Variants in TRIM10 observed in about 807,000 individuals in gnomAD.
TRIM10 encodes the protein tripartite motif containing 10, also known as tripartite motif-containing protein 10.
In TRIM10, 42 loss-of-function variants were observed where a neutral mutation model predicts 40.0. That is an observed-to-expected ratio of 1.05 (90% CI 0.82 to 1.36). The LOEUF (loss-of-function observed/expected upper bound fraction) is 1.36, where lower values mean the gene tolerates loss of function less well. Ranked by LOEUF, TRIM10 falls within the 40% of genes most tolerant of loss-of-function variation. TRIM10 has a pLI of 0.00. For synonymous variants in TRIM10, 260 were observed against 239.5 expected (o/e 1.09, Z -0.79); for missense variants, 601 against 608.3 (o/e 0.99, Z 0.13).
At position 30,153,350 on chromosome 6, in the gene TRIM10, C is replaced by T. The variant is rs1488843011; in HGVS notation, c.*619G>A. 3 of 271,726 alleles carry T rather than the reference C, an allele frequency of 1.1e-5. No individual in the cohort carries two copies. Among genetic ancestry groups the T allele is most frequent in the Non-Finnish European group, 1.4e-5 (2 of 142,802 alleles). 16.8% of individuals were successfully genotyped at this position (271,726 alleles called of 1,614,324 possible). ...CCTTCCAGGCTGGGCTATGCCCCTT[C>T]CCCTGAACTCCCATAATGCTGGGGT... is the stretch of plus-strand genomic sequence containing the variant. On this transcript the variant is annotated 3_prime_UTR_variant, in exon 7 of 7. Transcript: ENST00000449742.
At chr6:30,154,645 G>C in intron 6 of TRIM10, 159 bp from the exon 7 acceptor site, 1 of 869,418 alleles carries the variant, frequency 1.2e-6, no homozygotes, top group Non-Finnish European at 1.9e-6. Flanking sequence ...CTGGGAACTT[G>C]TTAGATATAC....
upstream of TRIM10, among the ~76,000 whole-genome samples, chr6:30,161,764 G>A (rs140273782): frequency 1.3e-5 from 2 of 152,270 alleles, no homozygotes; most frequent in African/African-American, 4.8e-5. Flanking sequence ...TCTGTCTTCC[G>A]AGCAATGCTA....
In TRIM10 at chr6:30,160,582, A is replaced by G; in HGVS notation, c.277T>C (p.Leu93=). The G allele has an allele frequency of 6.2e-7, 1 of 1,614,134 alleles. No individual in the cohort carries two copies. Among genetic ancestry groups the G allele is most frequent in the Non-Finnish European group, 8.5e-7 (1 of 1,180,022 alleles). ...TCTTGGCAGACATCCTCCTCTCCCA[A>G]ACCCAGTGTGGACACCAGCTGGAGG... ...ERLQLVSTLG[L]GEEDVCQEHG... Residue 93 remains leucine, a synonymous_variant, in exon 1 of 7, where the codon TTG becomes CTG. Coordinates refer to ENST00000449742, the MANE Select transcript of TRIM10 (RefSeq NM_006778.4).
chr6:30,154,607 C>G lies in TRIM10; in HGVS notation c.929-121G>C, dbSNP rs1324519667. On this transcript the variant is annotated intron_variant, in intron 6 of 6. Coordinates refer to ENST00000449742, the MANE Select transcript of TRIM10 (RefSeq NM_006778.4). The stretch of plus-strand genomic sequence containing the variant: ...ATTATTACCAAAAACATGTATAGTG[C>G]CTACGTGGGCCAACAGTGTGGAACC... 3 of 1,265,014 alleles carry G rather than the reference C, an allele frequency of 2.4e-6. No individual in the cohort carries two copies. The African/African-American group carries it at 4.4e-5, about 19-fold the overall frequency. The allele number at this position is 1,265,014 out of a possible 1,614,324, so 78.4% of individuals were successfully genotyped here. A position where few individuals can be genotyped will look rare whatever the true frequency, so the allele number is the denominator to read the frequency against.
chr6:30,159,231 CT>C lies in TRIM10; in HGVS notation c.443del (p.Lys148SerfsTer6). 3 of 1,607,944 alleles carry C rather than the reference CT, an allele frequency of 1.9e-6. No homozygotes were observed. Among genetic ancestry groups the C allele is most frequent in the Non-Finnish European group, 2.6e-6 (3 of 1,175,466 alleles). Reference sequence around the variant, plus strand: ...TCTCTTTTCTTAGACATTTAAGACACTTATGGATTTGTTCCTGGGGAGAAGG... The same window carrying C: ...TCTCTTTTCTTAGACATTTAAGACACTATGGATTTGTTCCTGGGGAGAAGG... The part of the protein sequence containing the change: ...AAAPYREQIH[K>X]CLKCLRKERE... On this transcript the variant is annotated frameshift_variant, in exon 2 of 7. Coordinates refer to ENST00000449742, the MANE Select transcript of TRIM10 (RefSeq NM_006778.4). LOFTEE classifies it high-confidence loss of function.
Position 30,154,262 on chromosome 6 carries a change from TCA to T in TRIM10, c.1151_1152del (p.Val384GlufsTer52). The T allele has an allele frequency of 6.2e-7, 1 of 1,613,042 alleles. No individual in the cohort carries two copies. ...TCCCCCTTCCGCTGCACATCCTCGC[TCA>T]CCACGCCCACGGTGCAGCTGCCCCC... ...AHGGSCTVGV[V>X]SEDVQRKGEL... On this transcript the variant is annotated frameshift_variant, in exon 7 of 7. Transcript: ENST00000449742. LOFTEE classifies it high-confidence loss of function.
chr6:30,163,528 G>A, upstream of TRIM10: 1 of 882,424 alleles, frequency 1.1e-6, no homozygotes. Flanking sequence ...GCTTCCCTGT[G>A]CTGGCATTCT....
upstream of TRIM10, chr6:30,163,987 C>G (rs781300732): frequency 6.2e-7 from 1 of 1,613,146 alleles, no homozygotes; most frequent in South Asian, 1.1e-5. Flanking sequence ...CCGAGTTCCT[C>G]TGTGTGTTCT....
rs1772178367 is a variant in TRIM10 at position 30,153,244 on chromosome 6, G to A, written c.*725C>T. On this transcript the variant is annotated 3_prime_UTR_variant, in exon 7 of 7. Coordinates refer to ENST00000449742, the MANE Select transcript of TRIM10 (RefSeq NM_006778.4). ...CTCTGCTGTTTCCTCTTCTTAAGAT[G>A]CTTCTTCCCCTCTTTTCCCTATTGA... 1 of 163,158 alleles carries A rather than the reference G, an allele frequency of 6.1e-6. No individual in the cohort carries two copies. The highest frequency in any genetic ancestry group is 1.7e-4 in the South Asian group (1 of 5,726). The allele number at this position is 163,158 out of a possible 1,614,324, so 10.1% of individuals were successfully genotyped here. A position where few individuals can be genotyped will look rare whatever the true frequency, so the allele number is the denominator to read the frequency against.
upstream of TRIM10, chr6:30,163,415 C>T (rs992966462): frequency 1.8e-6 from 1 of 552,148 alleles, no homozygotes; most frequent in African/African-American, 1.9e-5. Context: ...ACTTGGCCGC[C>T]ACTGGGAAAT....
At chr6:30,162,149 G>A (rs573019237), upstream of TRIM10, among the ~76,000 whole-genome samples, 1 of 152,018 alleles carries the variant, frequency 6.6e-6, no homozygotes, top group Non-Finnish European at 1.5e-5. Context: ...GCTGGCCGGC[G>A]CCTGTAGTCC....
At position 30,158,499 on chromosome 6, in the gene TRIM10, T is replaced by C. The variant is rs568128993; in HGVS notation, c.656A>G (p.Asp219Gly). The C allele has an allele frequency of 1.7e-5, 28 of 1,613,070 alleles. No homozygotes were observed. The South Asian group carries it at 2.1e-4, about 12-fold the overall frequency. The change falls in exon 3 of 7, where the codon GAT (aspartate) becomes GGT (glycine). Residue 219 changes from aspartate to glycine, a missense_variant. Coordinates refer to ENST00000449742, the MANE Select transcript of TRIM10 (RefSeq NM_006778.4). ...SQDGDILRQR[D>G]EFDLLVAGEI... ...CCCAGCAACCAGCAAATCAAATTCA[T>C]CCCGTTGCCTCAAGATGTCCCCATC...
chr6:30,157,726 C>T (rs1772695171), intron 3 of TRIM10, among the ~76,000 whole-genome samples: 1 of 97,976 alleles, frequency 1.0e-5, no homozygotes, highest in South Asian at 3.2e-4. Flanking sequence ...TCCCACTTTT[C>T]TTATGACTGG....
At position 30,160,592 on chromosome 6, in the gene TRIM10, G is replaced by A. The variant is rs147578020; in HGVS notation, c.267C>T (p.Ser89=). Residue 89 remains serine, a synonymous_variant, in exon 1 of 7, where the codon TCC becomes TCT. Coordinates refer to ENST00000449742, the MANE Select transcript of TRIM10 (RefSeq NM_006778.4). Reference sequence around the variant, plus strand: ...CATCCTCCTCTCCCAAACCCAGTGTGGACACCAGCTGGAGGCGCTCAATGT... The same window carrying A: ...CATCCTCCTCTCCCAAACCCAGTGTAGACACCAGCTGGAGGCGCTCAATGT... ...VENIERLQLV[S]TLGLGEEDVC... 1.3e-4 allele frequency: 214 copies of A among 1,614,104 alleles called. No homozygotes were observed. The highest frequency in any genetic ancestry group is 1.8e-4 in the Non-Finnish European group (210 of 1,180,052).
rs994448457 is a variant in TRIM10, at chr6:30,153,003, C to A, written c.*966G>T. 1 of 152,244 alleles carries A rather than the reference C, an allele frequency of 6.6e-6. No individual in the cohort carries two copies. The highest frequency in any genetic ancestry group is 1.5e-5 in the Non-Finnish European group (1 of 68,070). The allele number at this position is 152,244 out of a possible 1,614,324, so 9.4% of individuals were successfully genotyped here. On this transcript the variant is annotated 3_prime_UTR_variant, in exon 7 of 7. Coordinates refer to ENST00000449742, the MANE Select transcript of TRIM10 (RefSeq NM_006778.4). ...GATGGTAATCAACTGATCAGGAAGA[C>A]AATTTCCCTAGGGTTGAGTGTGGTC...
intron 5 of TRIM10, chr6:30,156,635 A>G (rs185731050): frequency 2.4e-6 from 1 of 419,926 alleles, no homozygotes; most frequent in African/African-American, 2.0e-5. Context: ...TTTTTAACTT[A>G]TTAAGAATGA....
At chr6:30,163,037 G>T (rs1212725171), upstream of TRIM10, among the ~76,000 whole-genome samples, 1 of 152,112 alleles carries the variant, frequency 6.6e-6, no homozygotes, top group Non-Finnish European at 1.5e-5. Context: ...TGGGGGATTT[G>T]GGACCGTAGG....
upstream of TRIM10, chr6:30,163,855 C>T (rs1004010423): frequency 6.2e-7 from 1 of 1,613,036 alleles, no homozygotes; most frequent in East Asian, 2.2e-5. Flanking sequence ...TCCTGCTCTG[C>T]CCGCTCTGCC....
At chr6:30,156,912 C>T (rs757929048) in intron 5 of TRIM10, 27 bp downstream of exon 5, 3 of 1,603,900 alleles carry the variant, frequency 1.9e-6, no homozygotes, top group Non-Finnish European at 2.6e-6. Context: ...GCCACCTGCG[C>T]TCTGTGGAGG....
Sources: gnomAD v4.1 joint callset for allele counts (sites outside exome capture counted in the v4.1 genomes callset) on GRCh38, gnomAD v4.1.1 for gene constraint, MANE v1.5 for transcripts, NCBI Gene and HGNC (gene_info 2026-07-23, HGNC 2026-07-21) for gene names.